NFIC: variants seen among roughly 807,000 people sequenced by gnomAD.
The protein encoded by NFIC is nuclear factor 1 C-type.
Under a neutral mutation model 54.4 loss-of-function variants are expected in NFIC, and 12 were observed. The observed-to-expected ratio is 0.22, with a 90% CI of 0.14 to 0.36. The LOEUF (loss-of-function observed/expected upper bound fraction) is 0.36. Ranked by LOEUF, NFIC falls within the 10% of genes least tolerant of loss-of-function variation. The pLI, the probability that NFIC is intolerant of heterozygous loss-of-function variation, is 1.00. For synonymous variants in NFIC, 322 were observed against 319.2 expected (o/e 1.01, Z -0.09); for missense variants, 575 against 718.2 (o/e 0.80, Z 2.28).
chr19:3,378,922 C>T (rs991927548), intron 1 of NFIC, among the ~76,000 whole-genome samples: 1 of 152,170 alleles, frequency 6.6e-6, no homozygotes, highest in African/African-American at 2.4e-5. Context: ...AATCTCTTAT[C>T]TTTTGATGCA....
chr19:3,439,170 TA>T (rs769503632), intron 6 of NFIC, among the ~76,000 whole-genome samples: 358 of 131,638 alleles, frequency 2.7e-3, no homozygotes, highest in Middle Eastern at 3.8e-3. Flanking sequence ...CATCTCTACT[TA>T]AAAAAAAAAA....
intron 2 of NFIC, among the ~76,000 whole-genome samples, chr19:3,395,976 G>A (rs775049668): frequency 2.0e-5 from 3 of 152,036 alleles, no homozygotes; most frequent in South Asian, 2.1e-4. Context: ...TTTATTTTTC[G>A]TAGACAGGAG....
chr19:3,372,879 C>G (rs1297973440), intron 1 of NFIC, among the ~76,000 whole-genome samples: 3 of 151,660 alleles, frequency 2.0e-5, no homozygotes, highest in African/African-American at 4.8e-5. Flanking sequence ...GAGTCTCGCT[C>G]TGTCGCCCAG....
chr19:3,462,697 T>A (rs1339257876), intron 10 of NFIC, 55 bp from the exon 11 acceptor site: 2 of 1,596,266 alleles, frequency 1.3e-6, no homozygotes, highest in Non-Finnish European at 1.7e-6. Context: ...GTCTGACCCC[T>A]CGACTTCTCT....
rs1353324627 is a variant in NFIC at position 3,375,412 on chromosome 19, G to T, written c.31-6300G>T. Among the ~76,000 whole-genome samples the T allele has an allele frequency of 6.6e-6, 1 of 152,228 alleles. No homozygotes were observed. The highest frequency in any genetic ancestry group is 6.5e-5 in the Admixed American group (1 of 15,284). ...CGGCTTCCCTGGCCAGACCATCTGG[G>T]CTCTGGTCCCAGCTCTGCTGACCGG... On this transcript the variant is annotated intron_variant, in intron 1 of 10. Transcript: ENST00000443272. This position sits in a 1 kb window ranked among gnomAD's most constrained non-coding sequence, Gnocchi z 4.6.
chr19:3,423,066 C>T (rs1430672435), intron 2 of NFIC, among the ~76,000 whole-genome samples: 4 of 152,136 alleles, frequency 2.6e-5, no homozygotes, highest in South Asian at 2.1e-4. Flanking sequence ...GGCGTGATGA[C>T]GCGCGCCTGT....
Position 3,434,390 on chromosome 19 carries a change from T to A in NFIC, c.823T>A (p.Ser275Thr), listed in dbSNP as rs935332622. 2.0e-5 allele frequency: 32 copies of A among 1,605,628 alleles called. 1 individual carries two copies. Among genetic ancestry groups the A allele is most frequent in the Admixed American group, 5.1e-5 (3 of 58,654 alleles). The change falls in exon 5 of 11, where the codon TCC (serine) becomes ACC (threonine). Residue 275 changes from serine to threonine, a missense_variant. Around this residue, in one of 3 missense-constraint regions of NFIC, gnomAD observed 447 missense variants for 526.9 expected, o/e 0.85. Transcript: ENST00000443272. ...CCTCAGAAGAACGCTGCCCAGCACC[T>A]CCTCCAGTGGGTAAGTACCCAGGTC... ...TGLRRTLPST[S>T]SSGSKRHKSG...
intron 2 of NFIC, among the ~76,000 whole-genome samples, chr19:3,413,526 TC>T (rs566379195): frequency 4.7e-4 from 72 of 151,770 alleles, no homozygotes; most frequent in African/African-American, 1.7e-3. Context: ...GCGATTACCG[TC>T]CCCCATATGG....
intron 2 of NFIC, among the ~76,000 whole-genome samples, chr19:3,397,866 G>A (rs566127137): frequency 6.6e-6 from 1 of 152,352 alleles, no homozygotes; most frequent in Non-Finnish European, 1.5e-5. Context: ...GTCTGACGGG[G>A]GTGGGGAGCT....
chr19:3,359,988 C>T (rs1393771758), intron 1 of NFIC, among the ~76,000 whole-genome samples: 2 of 150,228 alleles, frequency 1.3e-5, no homozygotes, highest in East Asian at 4.0e-4. Flanking sequence ...CCCGCAACCC[C>T]AGGCCGGGCC....
intron 2 of NFIC, among the ~76,000 whole-genome samples, chr19:3,399,479 G>A (rs750585720): frequency 1.3e-5 from 2 of 152,246 alleles, no homozygotes; most frequent in East Asian, 1.9e-4. Context: ...GAGAGGTCGC[G>A]GCAGGAGGAT....
upstream of NFIC, among the ~76,000 whole-genome samples, chr19:3,361,680 G>C (rs1385874008): frequency 6.6e-6 from 1 of 151,956 alleles, no homozygotes; most frequent in East Asian, 1.9e-4. Flanking sequence ...GGTCATTCTC[G>C]GGTTGTCACC....
At chr19:3,363,258 TA>T (rs1568391831), upstream of NFIC, among the ~76,000 whole-genome samples, 1,031 of 77,476 alleles carry the variant, frequency 0.013, 27 homozygotes, top group Non-Finnish European at 0.018. Flanking sequence ...TATATATATA[TA>T]TATATATATA....
At chr19:3,393,066 G>T (rs944538309) in intron 2 of NFIC, among the ~76,000 whole-genome samples, 1 of 152,076 alleles carries the variant, frequency 6.6e-6, no homozygotes, top group Non-Finnish European at 1.5e-5. Context: ...TCAGCCTCCC[G>T]AGTAGCTGGG....
chr19:3,454,310 A>G (rs762809466), intron 9 of NFIC: 371 of 991,202 alleles, frequency 3.7e-4, no homozygotes, highest in Non-Finnish European at 4.4e-4. Context: ...GAGAAAGAGA[A>G]TCGGTTGTTA....
At chr19:3,378,771 C>T (rs1256527149) in intron 1 of NFIC, among the ~76,000 whole-genome samples, 1 of 152,180 alleles carries the variant, frequency 6.6e-6, no homozygotes, top group Non-Finnish European at 1.5e-5. Context: ...GGCCCCTCTC[C>T]CCAGTTCTGA....
upstream of NFIC, among the ~76,000 whole-genome samples, chr19:3,363,265 ATATATTTTTTT>A (rs1219372030): frequency 2.1e-5 from 1 of 48,722 alleles, no homozygotes; most frequent in Non-Finnish European, 3.6e-5. Flanking sequence ...ATATATATAT[ATATATTTTTTT>A]TTTTTTTTTT....
At chr19:3,387,892 A>T (rs908818178) in intron 2 of NFIC, among the ~76,000 whole-genome samples, 4 of 151,828 alleles carry the variant, frequency 2.6e-5, no homozygotes, top group African/African-American at 9.7e-5. Context: ...CCAGAGAGGG[A>T]AGCTGTCTGC....
At chr19:3,419,553 G>C (rs1202088781) in intron 2 of NFIC, among the ~76,000 whole-genome samples, 3 of 152,044 alleles carry the variant, frequency 2.0e-5, no homozygotes, top group Non-Finnish European at 2.9e-5. Context: ...CGGATCACTT[G>C]AGGTCAGAAG....
Sources: gnomAD v4.1 joint callset for allele counts (sites outside exome capture counted in the v4.1 genomes callset) on GRCh38, gnomAD v4.1.1 for gene constraint, gnomAD v4.1.1 regional missense constraint, Gnocchi (gnomAD v3.1) non-coding constraint, MANE v1.5 for transcripts, NCBI Gene and HGNC (gene_info 2026-07-23, HGNC 2026-07-21) for gene names.